SEMA5B: variants seen among roughly 807,000 people sequenced by gnomAD.
SEMA5B encodes the protein semaphorin 5B, also known as semaphorin-5B.
SEMA5B carries 66 observed loss-of-function variants against 135.0 expected under a neutral mutation model. The ratio of observed to expected loss-of-function variants is 0.49; its 90% confidence interval spans 0.40 to 0.60. The LOEUF is 0.60. SEMA5B is among the 20% of genes least tolerant of loss of function. The pLI is 0.00. For synonymous variants in SEMA5B, 690 were observed against 639.5 expected (o/e 1.08, Z -1.19); for missense variants, 1,501 against 1,566.3 (o/e 0.96, Z 0.70).
At chr3:122,967,657 C>T (rs1325584928) in intron 1 of SEMA5B, among the ~76,000 whole-genome samples, 1 of 152,194 alleles carries the variant, frequency 6.6e-6, no homozygotes, top group Admixed American at 6.5e-5. Flanking sequence ...CAGGGCTCCT[C>T]GTGGGATCAT....
chr3:122,924,428 T>A (rs984186366), intron 9 of SEMA5B, among the ~76,000 whole-genome samples: 1 of 152,250 alleles, frequency 6.6e-6, no homozygotes, highest in East Asian at 1.9e-4. Flanking sequence ...GTCCCCTGAA[T>A]GCTGCATTGT....
chr3:122,963,263 G>A (rs207463685), intron 1 of SEMA5B, among the ~76,000 whole-genome samples: 3 of 152,124 alleles, frequency 2.0e-5, no homozygotes, highest in Admixed American at 6.5e-5. Flanking sequence ...TTGGGAGGCC[G>A]AGGTGGGCAG....
At chr3:122,987,359 T>C (rs954849434) in intron 1 of SEMA5B, among the ~76,000 whole-genome samples, 2 of 152,210 alleles carry the variant, frequency 1.3e-5, no homozygotes, top group Non-Finnish European at 2.9e-5. Context: ...GGCGGGCCTT[T>C]TACATGCTGT....
intron 1 of SEMA5B, among the ~76,000 whole-genome samples, chr3:122,977,328 T>A (rs1249524368): frequency 6.6e-6 from 1 of 152,212 alleles, no homozygotes; most frequent in Non-Finnish European, 1.5e-5. Context: ...CGCTGAATAA[T>A]AAACGAATTG....
At chr3:122,930,113 A>C (rs1043577697) in intron 5 of SEMA5B, among the ~76,000 whole-genome samples, 2 of 152,212 alleles carry the variant, frequency 1.3e-5, no homozygotes, top group Non-Finnish European at 2.9e-5. Flanking sequence ...TTTAATTTCT[A>C]ACAAGGCTGT....
chr3:123,018,619 A>G (rs1942611712), intron 1 of SEMA5B, among the ~76,000 whole-genome samples: 1 of 152,208 alleles, frequency 6.6e-6, no homozygotes, highest in South Asian at 2.1e-4. Flanking sequence ...GAGCCACCCC[A>G]TCACCTTGTC....
intron 2 of SEMA5B, among the ~76,000 whole-genome samples, chr3:122,951,130 T>C (rs1940029509): frequency 2.0e-5 from 3 of 152,040 alleles, no homozygotes; most frequent in African/African-American, 7.2e-5. Context: ...AGTGGAGGGG[T>C]CTTGTTCTGC....
intron 3 of SEMA5B, among the ~76,000 whole-genome samples, chr3:122,947,221 G>C (rs1331892281): frequency 1.3e-5 from 2 of 152,184 alleles, no homozygotes; most frequent in African/African-American, 2.4e-5. Context: ...AGAAGTCTGA[G>C]GGTGTGCACG....
At position 122,913,688 on chromosome 3, in the gene SEMA5B, T is replaced by TC; in HGVS notation, c.2133-8dup. On this transcript the variant is annotated splice_region_variant and splice_polypyrimidine_tract_variant and intron_variant, in intron 15 of 22. Transcript: ENST00000357599. ...CGTGTTCTCATTACAGAACCTGGGG[T>TC]CGGGGGAGAGGCGTCAATCCAGGGA... The TC allele has an allele frequency of 6.2e-7, 1 of 1,612,714 alleles. No individual in the cohort carries two copies. The highest frequency in any genetic ancestry group is 8.5e-7 in the Non-Finnish European group (1 of 1,179,498).
chr3:122,976,003 G>C, intron 1 of SEMA5B: 1 of 1,534,412 alleles, frequency 6.5e-7, no homozygotes. Flanking sequence ...TGCCCACCTC[G>C]ATCCCTTCGC....
At chr3:123,001,382 A>C (rs1013950655) in intron 1 of SEMA5B, among the ~76,000 whole-genome samples, 19 of 152,010 alleles carry the variant, frequency 1.2e-4, no homozygotes, top group African/African-American at 3.6e-4. Context: ...AACCACCCCC[A>C]CCCTGACCTC....
chr3:122,922,417 C>A lies in SEMA5B; in HGVS notation c.1303G>T (p.Glu435Ter), dbSNP rs759464960. The change falls in exon 11 of 23, where the codon GAG (glutamate) becomes TAG (stop). Residue 435 changes from glutamate to a stop codon, truncating the protein, a stop_gained. Coordinates refer to ENST00000357599, the MANE Select transcript of SEMA5B (RefSeq NM_001031702.4). LOFTEE classifies it high-confidence loss of function. ...TGCAGGCTGCGCTCCGTCAGGTTCT[C>A]GTTGGGACCGGTCTCAGGCAGGGTG... ...CGTLPETGPNENLTERSLQDA... is the reference protein window; with the variant it reads ...CGTLPETGPN The A allele has an allele frequency of 6.2e-7, 1 of 1,608,934 alleles. No homozygotes were observed.
At chr3:123,014,803 C>G (rs970649869) in intron 1 of SEMA5B, among the ~76,000 whole-genome samples, 3 of 152,188 alleles carry the variant, frequency 2.0e-5, no homozygotes, top group African/African-American at 4.8e-5. Flanking sequence ...AGCTGCAGCA[C>G]TGTTGTAGGA....
intron 1 of SEMA5B, among the ~76,000 whole-genome samples, chr3:122,990,931 G>A (rs1172908544): frequency 6.6e-6 from 1 of 152,190 alleles, no homozygotes; most frequent in Non-Finnish European, 1.5e-5. Context: ...TTCACATTCA[G>A]TACAGGACCC....
intron 1 of SEMA5B, among the ~76,000 whole-genome samples, chr3:123,010,188 T>C (rs1313418553): frequency 6.6e-6 from 1 of 152,106 alleles, no homozygotes; most frequent in Non-Finnish European, 1.5e-5. Context: ...TGACACCCCA[T>C]AATACCCCAG....
chr3:122,922,145 C>A lies in SEMA5B; in HGVS notation c.1481-23G>T, dbSNP rs778600379. The A allele has an allele frequency of 1.0e-5, 16 of 1,537,038 alleles. No homozygotes were observed. In the South Asian group the frequency reaches 1.8e-4, roughly 18 times the overall value. On this transcript the variant is annotated intron_variant, in intron 11 of 22. Coordinates refer to ENST00000357599, the MANE Select transcript of SEMA5B (RefSeq NM_001031702.4). ...ACTCTGGAGGAGAGGGGGAGCCAGA[C>A]CAAGGTGGCCTTGAAGGCCCCGGAA... is the stretch of plus-strand genomic sequence containing the variant.
intron 1 of SEMA5B, among the ~76,000 whole-genome samples, chr3:123,025,747 C>T (rs929691289): frequency 2.6e-4 from 39 of 152,208 alleles, no homozygotes; most frequent in African/African-American, 9.2e-4. Context: ...CCCCACGCCC[C>T]AAGGCCCAGA....
At chr3:122,975,673 A>G (rs546659848) in intron 1 of SEMA5B, among the ~76,000 whole-genome samples, 16 of 152,288 alleles carry the variant, frequency 1.1e-4, no homozygotes, top group African/African-American at 3.9e-4. Context: ...TAGTGTTGTG[A>G]TTATGCAGAC....
chr3:122,914,224 T>C (rs1409784116), intron 14 of SEMA5B, among the ~76,000 whole-genome samples: 3 of 152,236 alleles, frequency 2.0e-5, no homozygotes, highest in Non-Finnish European at 4.4e-5. Context: ...CTATATATCA[T>C]GCTGTGCTCA....
Sources: gnomAD v4.1 joint callset for allele counts (sites outside exome capture counted in the v4.1 genomes callset) on GRCh38, gnomAD v4.1.1 for gene constraint, MANE v1.5 for transcripts, NCBI Gene and HGNC (gene_info 2026-07-23, HGNC 2026-07-21) for gene names.